PCDH15: variants seen among roughly 807,000 people sequenced by gnomAD.
PCDH15 encodes the protein protocadherin related 15, also known as protocadherin-15.
PCDH15 carries 129 observed loss-of-function variants against 178.5 expected under a neutral mutation model. The ratio of observed to expected loss-of-function variants is 0.72; its 90% CI spans 0.63 to 0.84. The LOEUF (loss-of-function observed/expected upper bound fraction) is 0.84, where lower values mean the gene tolerates loss of function less well. Among genes scored for constraint, PCDH15 ranks in the 40% least tolerant of loss-of-function variants. PCDH15 has a pLI of 0.00. For synonymous variants in PCDH15, 800 were observed against 732.0 expected, an observed-to-expected ratio of 1.09 and a Z score of -1.50; for missense variants, 2,230 against 2,099.9, an observed-to-expected ratio of 1.06 and a Z score of -1.21.
chr10:54,553,992 G>C (rs559578688), intron 2 of PCDH15, among the ~76,000 whole-genome samples: 28 of 152,068 alleles, frequency 1.8e-4, no homozygotes, highest in Admixed American at 1.2e-3. Context: ...CTTTCAAAAA[G>C]GCATAATTTC....
intron 28 of PCDH15, among the ~76,000 whole-genome samples, chr10:53,841,842 A>G (rs2077666596): frequency 6.6e-6 from 1 of 151,240 alleles, no homozygotes; most frequent in Non-Finnish European, 1.5e-5. Context: ...AATGCCTGCA[A>G]TTCCAGCTAG....
intron 3 of PCDH15, among the ~76,000 whole-genome samples, chr10:54,512,496 AT>A (rs908739805): frequency 2.0e-4 from 30 of 151,592 alleles, no homozygotes; most frequent in African/African-American, 6.8e-4. Flanking sequence ...TTTCATTTTA[AT>A]TTTTTAATGA....
intron 20 of PCDH15, among the ~76,000 whole-genome samples, chr10:54,008,432 C>T (rs1308836476): frequency 6.6e-6 from 1 of 152,088 alleles, no homozygotes; most frequent in Non-Finnish European, 1.5e-5. Flanking sequence ...ACATTAAGAA[C>T]TTTTTTAAAG....
chr10:54,048,563 A>C (rs1407306303), intron 18 of PCDH15, among the ~76,000 whole-genome samples: 1 of 152,174 alleles, frequency 6.6e-6, no homozygotes, highest in Non-Finnish European at 1.5e-5. Flanking sequence ...GCATCTTGAC[A>C]TACTTTTTAT....
intron 8 of PCDH15, among the ~76,000 whole-genome samples, chr10:54,249,227 CTCATA>C (rs960681516): frequency 1.4e-4 from 21 of 152,094 alleles, no homozygotes; most frequent in East Asian, 1.4e-3. Flanking sequence ...ACATTTTCAT[CTCATA>C]TCATAACATT....
intron 2 of PCDH15, among the ~76,000 whole-genome samples, chr10:55,094,806 G>T (rs1031558355): frequency 6.6e-6 from 1 of 151,546 alleles, no homozygotes; most frequent in South Asian, 2.1e-4. Flanking sequence ...AGTCCTTAAA[G>T]CAACCCAGTA....
chr10:54,992,490 C>T (rs879810486), intron 2 of PCDH15, among the ~76,000 whole-genome samples: 4 of 152,076 alleles, frequency 2.6e-5, no homozygotes, highest in Admixed American at 6.6e-5. Flanking sequence ...CAGCGGCTGA[C>T]GTCTGTAATC....
chr10:54,545,535 T>C (rs1402906286), intron 2 of PCDH15, among the ~76,000 whole-genome samples: 1 of 151,684 alleles, frequency 6.6e-6, no homozygotes, highest in Non-Finnish European at 1.5e-5. Context: ...GTTGTTTCTA[T>C]ATAAAGAAAG....
chr10:54,722,148 C>A (rs577441407), intron 1 of PCDH15, among the ~76,000 whole-genome samples: 57 of 151,684 alleles, frequency 3.8e-4, no homozygotes, highest in Non-Finnish European at 6.6e-4. Context: ...GCAGAAAATT[C>A]ATCTGATAAA....
At chr10:54,132,190 C>T (rs897948701) in intron 15 of PCDH15, among the ~76,000 whole-genome samples, 1 of 152,104 alleles carries the variant, frequency 6.6e-6, no homozygotes, top group Non-Finnish European at 1.5e-5. Flanking sequence ...TATATCAACA[C>T]CGTATTTAGC....
intron 2 of PCDH15, chr10:54,605,659 C>T (rs1285247654): frequency 6.6e-6 from 1 of 152,136 alleles, no homozygotes; most frequent in Non-Finnish European, 1.5e-5. Flanking sequence ...TGTTGGGGCA[C>T]TAACTGGATT....
In PCDH15 at chr10:54,403,859, A is replaced by C. The variant is rs150291997; in HGVS notation, c.158-24917T>G. On this transcript the variant is annotated intron_variant, in intron 3 of 37. Transcript: ENST00000644397. ...ATAACTGCCACACACTCACACACAC[A>C]CACACAAACACACACACAAACACAC... is the stretch of plus-strand genomic sequence containing the variant. Among the ~76,000 whole-genome samples, 1,305 of 146,344 alleles carry C rather than the reference A, an allele frequency of 8.9e-3. 20 individuals carry two copies. The highest frequency in any genetic ancestry group is 0.03 in the African/African-American group (1,156 of 38,750).
chr10:54,635,386 GTA>G (rs71010399), intron 2 of PCDH15, among the ~76,000 whole-genome samples: 5 of 149,250 alleles, frequency 3.4e-5, no homozygotes, highest in Admixed American at 6.7e-5. Flanking sequence ...TCTCATATAT[GTA>G]TATATATATA....
chr10:55,075,234 G>C (rs1296248438), intron 2 of PCDH15, among the ~76,000 whole-genome samples: 4 of 152,006 alleles, frequency 2.6e-5, no homozygotes, highest in African/African-American at 9.7e-5. Flanking sequence ...AGAATATGGT[G>C]TTCATAACAG....
intron 2 of PCDH15, among the ~76,000 whole-genome samples, chr10:54,929,495 T>C (rs1273086269): frequency 6.6e-6 from 1 of 152,206 alleles, no homozygotes; most frequent in Non-Finnish European, 1.5e-5. Context: ...ATTAATCATA[T>C]AGTCACTTTG....
intron 13 of PCDH15, among the ~76,000 whole-genome samples, chr10:54,182,668 T>C (rs2048104447): frequency 6.6e-6 from 1 of 152,162 alleles, no homozygotes; most frequent in South Asian, 2.1e-4. Flanking sequence ...TTTTCTCTGC[T>C]GTAATGATTA....
chr10:54,396,540 A>G (rs1406649677), intron 3 of PCDH15, among the ~76,000 whole-genome samples: 2 of 152,140 alleles, frequency 1.3e-5, no homozygotes, highest in Non-Finnish European at 2.9e-5. Context: ...TGGCTGACAG[A>G]GCAAGTGTCT....
At chr10:54,058,695 T>C (rs1165978665) in intron 18 of PCDH15, among the ~76,000 whole-genome samples, 2 of 87,986 alleles carry the variant, frequency 2.3e-5, no homozygotes, top group Non-Finnish European at 4.7e-5. Flanking sequence ...TCTTTCTTTC[T>C]TTCTTTTTTT....
At chr10:55,289,615 T>C (rs920073073) in intron 1 of PCDH15, among the ~76,000 whole-genome samples, 3 of 152,054 alleles carry the variant, frequency 2.0e-5, no homozygotes, top group Admixed American at 6.6e-5. Flanking sequence ...CCCTAAGAAT[T>C]TGTGCATTTT....
Sources: gnomAD v4.1 joint callset for allele counts (sites outside exome capture counted in the v4.1 genomes callset) on GRCh38, gnomAD v4.1.1 for gene constraint, MANE v1.5 for transcripts, NCBI Gene and HGNC (gene_info 2026-07-23, HGNC 2026-07-21) for gene names.